The following ERICH1 variants were observed in gnomAD, a reference collection of about 807,000 sequenced individuals.
The protein encoded by ERICH1 is glutamate rich 1, also known as glutamate-rich protein 1.
A neutral mutation model predicts 39.6 loss-of-function variants in ERICH1; 56 were observed. That is an observed-to-expected ratio of 1.41 (90% confidence interval 1.14 to 1.77). The LOEUF (loss-of-function observed/expected upper bound fraction) is 1.77, where lower values mean the gene tolerates loss of function less well. ERICH1 is among the 40% of genes most tolerant of loss of function. ERICH1 has a pLI of 0.00. For synonymous variants in ERICH1, 313 were observed against 223.6 expected (o/e 1.40, Z -3.57); for missense variants, 826 against 575.4 (o/e 1.44, Z -4.45).
chr8:679,788 C>G (rs1166421796), intron 3 of ERICH1, among the ~76,000 whole-genome samples: 1 of 152,200 alleles, frequency 6.6e-6, no homozygotes, highest in Non-Finnish European at 1.5e-5. Context: ...AGGCAGGGCA[C>G]CAGGGAGACA....
chr8:651,593 C>T (rs1441136089), intron 3 of ERICH1, among the ~76,000 whole-genome samples: 1 of 151,746 alleles, frequency 6.6e-6, no homozygotes, highest in African/African-American at 2.4e-5. Flanking sequence ...AGACGGAGAG[C>T]TGGGGGCAGG....
At position 707,915 on chromosome 8, in the gene ERICH1, G is replaced by A. The variant is rs147155250; in HGVS notation, c.169+7946C>T. On this transcript the variant is annotated intron_variant, in intron 2 of 5. Transcript: ENST00000262109. ...CAGGTATCTGATGAGGACTCAGTAT[G>A]GAGGATGTACAACCAATTCCGACAA... Among the ~76,000 whole-genome samples, 326 of 152,260 alleles carry A rather than the reference G, an allele frequency of 2.1e-3. 2 individuals carry two copies. The highest frequency in any genetic ancestry group is 7.6e-3 in the African/African-American group (317 of 41,554).
chr8:654,052 G>C (rs533953518), intron 3 of ERICH1, among the ~76,000 whole-genome samples: 1 of 152,110 alleles, frequency 6.6e-6, no homozygotes, highest in Non-Finnish European at 1.5e-5. Context: ...GAGGGGTTGC[G>C]GAGTTCCTGT....
chr8:699,766 GC>G (rs1585440456), intron 2 of ERICH1, among the ~76,000 whole-genome samples: 3 of 108,912 alleles, frequency 2.8e-5, no homozygotes, highest in East Asian at 8.3e-4. Flanking sequence ...CACTCACACA[GC>G]CGCACAGACC....
At chr8:642,159 C>T (rs1799067508) in intron 3 of ERICH1, among the ~76,000 whole-genome samples, 1 of 152,168 alleles carries the variant, frequency 6.6e-6, no homozygotes, top group Admixed American at 6.5e-5. Flanking sequence ...TCTGCTTGGA[C>T]ACTGGCCCAC....
chr8:624,217 G>A (rs112712363), intron 3 of ERICH1, among the ~76,000 whole-genome samples: 14 of 152,272 alleles, frequency 9.2e-5, no homozygotes, highest in African/African-American at 3.1e-4. Context: ...CTGTGAGGAT[G>A]GCTAGATGAG....
At chr8:637,112 G>A (rs1798496625) in intron 3 of ERICH1, among the ~76,000 whole-genome samples, 1 of 152,230 alleles carries the variant, frequency 6.6e-6, no homozygotes, top group Non-Finnish European at 1.5e-5. Context: ...ACACGTTTCT[G>A]CTTCTCTCTT....
intron 3 of ERICH1, among the ~76,000 whole-genome samples, chr8:653,479 G>A (rs1800233886): frequency 6.6e-6 from 1 of 152,164 alleles, no homozygotes; most frequent in African/African-American, 2.4e-5. Context: ...CAATCCAGCT[G>A]TTCTGTACCT....
At chr8:656,969 G>A (rs1800739877) in intron 3 of ERICH1, 1 of 500,698 alleles carries the variant, frequency 2.0e-6, no homozygotes, top group South Asian at 8.5e-5. Flanking sequence ...TAATTTTTAA[G>A]AGCAAACAAT....
chr8:719,758 C>T lies in ERICH1; in HGVS notation c.23-3751G>A, dbSNP rs551820061. ...CACTTGCACATGTATTGAATTATTA[C>T]CTTTGTGCTATTTAATACTTTAAGG... is the stretch of plus-strand genomic sequence containing the variant. On this transcript the variant is annotated intron_variant, in intron 1 of 5. Transcript: ENST00000262109. Among the ~76,000 whole-genome samples, 34 of 152,278 alleles carry T rather than the reference C, an allele frequency of 2.2e-4. 1 individual carries two copies. The South Asian group carries it at 6.8e-3, about 31-fold the overall frequency.
intron 3 of ERICH1, among the ~76,000 whole-genome samples, chr8:635,329 C>T (rs183795135): frequency 6.6e-6 from 1 of 152,302 alleles, no homozygotes. Flanking sequence ...CGGGTTTATC[C>T]GGGTATAACG....
intron 2 of ERICH1, among the ~76,000 whole-genome samples, chr8:702,407 G>T (rs183182400): frequency 5.9e-5 from 9 of 152,232 alleles, no homozygotes; most frequent in Non-Finnish European, 1.0e-4. Context: ...TCCCTACGTT[G>T]AAATGTACAA....
intron 3 of ERICH1, among the ~76,000 whole-genome samples, chr8:637,260 G>T (rs1798512990): frequency 6.6e-6 from 1 of 152,190 alleles, no homozygotes; most frequent in African/African-American, 2.4e-5. Flanking sequence ...CTCGTCCCCG[G>T]CATCCTGCAT....
intron 3 of ERICH1, chr8:626,923 CA>C (rs1797621918): frequency 2.9e-6 from 1 of 342,036 alleles, no homozygotes; most frequent in African/African-American, 2.1e-5. Context: ...AGGTACCTTC[CA>C]GGGCCAGCTG....
chr8:718,103 T>C (rs1041797906), intron 1 of ERICH1, among the ~76,000 whole-genome samples: 8 of 151,068 alleles, frequency 5.3e-5, no homozygotes, highest in African/African-American at 9.8e-5. Context: ...AGGGTACAGA[T>C]TGGAGTGCAC....
intron 4 of ERICH1, among the ~76,000 whole-genome samples, chr8:673,085 G>T (rs557107002): frequency 2.0e-5 from 3 of 152,368 alleles, no homozygotes; most frequent in African/African-American, 7.2e-5. Context: ...ATCATCGGTG[G>T]AAAGCACATA....
At chr8:654,384 G>T (rs572333889) in intron 3 of ERICH1, among the ~76,000 whole-genome samples, 76 of 152,266 alleles carry the variant, frequency 5.0e-4, no homozygotes, top group Admixed American at 1.8e-3. Flanking sequence ...AAACCTGGAG[G>T]GACTGGAGGG....
chr8:726,237 C>G (rs777020971), intron 1 of ERICH1, among the ~76,000 whole-genome samples: 55 of 152,194 alleles, frequency 3.6e-4, no homozygotes, highest in Non-Finnish European at 6.9e-4. Context: ...GTATCACAGG[C>G]AAGTTGCAGG....
rs536108337 is a variant in ERICH1 at position 720,661 on chromosome 8, C to G, written c.23-4654G>C. Among the ~76,000 whole-genome samples, 8 of 152,300 alleles carry G rather than the reference C, an allele frequency of 5.3e-5. 1 individual carries two copies. The South Asian group carries it at 1.7e-3, about 32-fold the overall frequency. ...CCACGGGAAAGACAATGTCCCTTTTCAAATTCAAACTTGAGCACGGTCGTC... is the reference window on the plus strand; with the variant it reads ...CCACGGGAAAGACAATGTCCCTTTTGAAATTCAAACTTGAGCACGGTCGTC... On this transcript the variant is annotated intron_variant, in intron 1 of 5. Transcript: ENST00000262109.
Sources: allele counts gnomAD v4.1 joint callset (sites outside exome capture counted in the v4.1 genomes callset), GRCh38; gene constraint gnomAD v4.1.1; transcripts MANE v1.5; gene names NCBI Gene and HGNC (gene_info 2026-07-23, HGNC 2026-07-21).